The following PXDNL variants were observed in gnomAD, a reference collection of about 807,000 sequenced individuals.
PXDNL encodes the protein probable oxidoreductase PXDNL.
PXDNL carries 145 observed loss-of-function variants against 150.8 expected under a neutral mutation model. The observed-to-expected ratio is 0.96, with a 90% CI of 0.84 to 1.10. The LOEUF is 1.10. PXDNL is among the 50% of genes least tolerant of loss of function. The pLI, the probability that PXDNL is intolerant of heterozygous loss-of-function variation, is 0.00. For synonymous variants in PXDNL, 757 were observed against 725.7 expected (o/e 1.04, Z -0.69); for missense variants, 2,087 against 1,873.9 (o/e 1.11, Z -2.10).
intron 1 of PXDNL, among the ~76,000 whole-genome samples, chr8:51,719,319 T>C (rs1816680455): frequency 6.6e-6 from 1 of 152,208 alleles, no homozygotes; most frequent in Admixed American, 6.5e-5. Context: ...TGCCTTGGGA[T>C]GCTGTTGATC....
chr8:51,396,946 G>A (rs978360502), intron 17 of PXDNL, among the ~76,000 whole-genome samples: 1 of 152,130 alleles, frequency 6.6e-6, no homozygotes, highest in Admixed American at 6.5e-5. Flanking sequence ...CTTGAAACCT[G>A]TAAACTTATT....
intron 1 of PXDNL, among the ~76,000 whole-genome samples, chr8:51,714,269 TATC>T (rs1299267978): frequency 6.6e-6 from 1 of 152,210 alleles, no homozygotes; most frequent in Non-Finnish European, 1.5e-5. Flanking sequence ...AAGGATGACT[TATC>T]ATTGGCTAGA....
At chr8:51,544,503 G>T (rs1338851306) in intron 4 of PXDNL, among the ~76,000 whole-genome samples, 1 of 152,150 alleles carries the variant, frequency 6.6e-6, no homozygotes, top group Non-Finnish European at 1.5e-5. Context: ...CTATGACATT[G>T]TTGTGTTTAC....
At chr8:51,715,916 A>G (rs189787335) in intron 1 of PXDNL, among the ~76,000 whole-genome samples, 7 of 152,234 alleles carry the variant, frequency 4.6e-5, no homozygotes, top group Non-Finnish European at 8.8e-5. Context: ...TTTAAAAAAA[A>G]AAATGCTATT....
chr8:51,421,752 TTGCCGGTTAC>T (rs1370863680), intron 14 of PXDNL, among the ~76,000 whole-genome samples: 3 of 152,192 alleles, frequency 2.0e-5, no homozygotes, highest in Admixed American at 2.0e-4. Flanking sequence ...GGACAAATAT[TTGCCGGTTAC>T]TAAACTACAT....
chr8:51,608,028 AG>A lies in PXDNL; in HGVS notation c.237-15331del, dbSNP rs1370850990. Reference sequence around the variant, plus strand: ...AAGAAAGAAAGAAAGAAAGAAAGAAAGAAAGAAAGAAAGAAAGAAAGAAAGA... The same window carrying A: ...AAGAAAGAAAGAAAGAAAGAAAGAAAAAAGAAAGAAAGAAAGAAAGAAAGA... On this transcript the variant is annotated intron_variant, in intron 2 of 22. Transcript: ENST00000356297. Among the ~76,000 whole-genome samples, 2 of 114,776 alleles carry A rather than the reference AG, an allele frequency of 1.7e-5. 1 individual carries two copies. The highest frequency in any genetic ancestry group is 7.9e-5 in the African/African-American group (2 of 25,164). The allele number at this position is 114,776 out of a possible 152,430, so 75.3% of individuals were successfully genotyped here. A position where few individuals can be genotyped will look rare whatever the true frequency, so the allele number is the denominator to read the frequency against.
intron 2 of PXDNL, among the ~76,000 whole-genome samples, chr8:51,609,654 T>A (rs554902822): frequency 6.6e-6 from 1 of 152,066 alleles, no homozygotes; most frequent in Non-Finnish European, 1.5e-5. Flanking sequence ...GAAGGATAAA[T>A]CCAAGAACAA....
chr8:51,426,575 AC>A, intron 13 of PXDNL, 70 bp downstream of exon 13: 1 of 803,092 alleles, frequency 1.2e-6, no homozygotes, highest in Non-Finnish European at 2.0e-6. Context: ...GAGAATCATT[AC>A]CTCCATTTCA....
At chr8:51,331,722 T>C (rs1167522652) in intron 21 of PXDNL, among the ~76,000 whole-genome samples, 1 of 151,880 alleles carries the variant, frequency 6.6e-6, no homozygotes, top group Non-Finnish European at 1.5e-5. Context: ...TTTCCTCACT[T>C]CCTCGACAAC....
chr8:51,528,306 T>G (rs917227364), intron 4 of PXDNL, among the ~76,000 whole-genome samples: 1 of 152,180 alleles, frequency 6.6e-6, no homozygotes, highest in African/African-American at 2.4e-5. Context: ...AGACAAAAAG[T>G]GTGTTCACCA....
chr8:51,800,376 G>T, intron 1 of PXDNL, among the ~76,000 whole-genome samples: 1 of 152,278 alleles, frequency 6.6e-6, no homozygotes, highest in South Asian at 2.1e-4. Flanking sequence ...AGTTAATAAC[G>T]CTAATTCCAC....
intron 2 of PXDNL, 108 bp downstream of exon 2, chr8:51,654,581 T>G: frequency 1.3e-6 from 1 of 792,030 alleles, no homozygotes; most frequent in Non-Finnish European, 2.1e-6. Flanking sequence ...CTACAAGGTG[T>G]CATTCTTCTA....
chr8:51,427,652 A>G (rs940588249), intron 12 of PXDNL, among the ~76,000 whole-genome samples: 2 of 152,244 alleles, frequency 1.3e-5, no homozygotes, highest in East Asian at 3.8e-4. Flanking sequence ...GCCACATAAT[A>G]GTATCAATAC....
intron 1 of PXDNL, among the ~76,000 whole-genome samples, chr8:51,717,900 A>T (rs781231948): frequency 6.6e-6 from 1 of 152,330 alleles, no homozygotes; most frequent in Middle Eastern, 3.4e-3. Flanking sequence ...CTGGCTAATT[A>T]TAAGGGGGGT....
chr8:51,430,279 A>G lies in PXDNL; in HGVS notation c.1526-3521T>C, dbSNP rs545674147. Among the ~76,000 whole-genome samples, 8 of 152,320 alleles carry G rather than the reference A, an allele frequency of 5.3e-5. No individual in the cohort carries two copies. In the East Asian group the frequency reaches 7.7e-4, roughly 15 times the overall value. ...TCTGCTTCTTTCCTGTTGACCAACA[A>G]TCTTCTAGTCTCATTCCCTTTCCTT... On this transcript the variant is annotated intron_variant, in intron 12 of 22. Transcript: ENST00000356297.
chr8:51,631,233 G>A (rs1814483446), intron 2 of PXDNL, among the ~76,000 whole-genome samples: 1 of 151,992 alleles, frequency 6.6e-6, no homozygotes, highest in Non-Finnish European at 1.5e-5. Context: ...TAAACAATGA[G>A]AACACATGGA....
intron 3 of PXDNL, among the ~76,000 whole-genome samples, chr8:51,572,625 G>A (rs1013129217): frequency 2.6e-5 from 4 of 151,772 alleles, no homozygotes; most frequent in African/African-American, 9.7e-5. Context: ...GAAATGGATA[G>A]TGGTGATGGT....
chr8:51,649,883 C>T (rs1814998439), intron 2 of PXDNL, among the ~76,000 whole-genome samples: 1 of 151,936 alleles, frequency 6.6e-6, no homozygotes, highest in African/African-American at 2.4e-5. Flanking sequence ...GGGTGGATCA[C>T]CTGAGGTCAG....
chr8:51,372,347 G>C (rs1807148886), intron 18 of PXDNL, among the ~76,000 whole-genome samples: 3 of 152,112 alleles, frequency 2.0e-5, no homozygotes, highest in Non-Finnish European at 4.4e-5. Context: ...CTCCAAAAAA[G>C]AAAAGTCCAT....
Sources: allele counts gnomAD v4.1 joint callset (sites outside exome capture counted in the v4.1 genomes callset), GRCh38; gene constraint gnomAD v4.1.1; transcripts MANE v1.5; gene names NCBI Gene and HGNC (gene_info 2026-07-23, HGNC 2026-07-21).